Variants in SLC25A33 observed in about 807,000 individuals in gnomAD.
SLC25A33 encodes the protein solute carrier family 25 member 33.
A neutral mutation model predicts 35.5 loss-of-function variants in SLC25A33; 15 were observed. The ratio of observed to expected loss-of-function variants is 0.42; its 90% CI spans 0.28 to 0.65. SLC25A33 has a LOEUF of 0.65. SLC25A33 is among the 30% of genes least tolerant of loss of function. SLC25A33 has a pLI of 0.20. For missense variants in SLC25A33, 257 were observed against 398.5 expected (o/e 0.64, Z 3.02); for synonymous variants, 136 against 148.7 (o/e 0.91, Z 0.62).
chr1:9,573,992 G>A (rs1026168508), intron 5 of SLC25A33, among the ~76,000 whole-genome samples: 1 of 151,296 alleles, frequency 6.6e-6, no homozygotes, highest in African/African-American at 2.4e-5. Context: ...TGTTGTTGTT[G>A]TTTTGTTTTT....
intron 2 of SLC25A33, among the ~76,000 whole-genome samples, chr1:9,554,155 A>T (rs1244233792): frequency 1.3e-5 from 2 of 152,170 alleles, no homozygotes; most frequent in East Asian, 3.9e-4. Flanking sequence ...GCACAACAGA[A>T]GAGTTGTGAA....
At chr1:9,575,387 C>G (rs900836945) in intron 5 of SLC25A33, among the ~76,000 whole-genome samples, 1 of 151,706 alleles carries the variant, frequency 6.6e-6, no homozygotes, top group Non-Finnish European at 1.5e-5. Flanking sequence ...GAGGCCGAGG[C>G]GGGTGGGTCA....
rs1445389668 is a variant in SLC25A33 at position 9,582,458 on chromosome 1, C to T, written c.923C>T (p.Thr308Ile). Residue 308 changes from threonine (T) to isoleucine (I), a missense_variant, in exon 7 of 7, where the codon ACT becomes ATT. Physicochemically the swap from Thr to Ile is moderately conservative, Grantham distance 89 (BLOSUM62 -1). Coordinates refer to ENST00000302692, the MANE Select transcript of SLC25A33 (RefSeq NM_032315.3). The surrounding 1 kb of genome is among the most constrained non-coding windows in gnomAD (Gnocchi z 4.0). ...CCAAATACTGCCATTGTGTTGTCTA[C>T]TTATGAGTTAATTGTGTACCTGTTA... Reference protein sequence around the residue: ...QIPNTAIVLSTYELIVYLLED... With the variant: ...QIPNTAIVLSIYELIVYLLED... The T allele has an allele frequency of 1.2e-6, 2 of 1,613,866 alleles. No homozygotes were observed. Among genetic ancestry groups the T allele is most frequent in the South Asian group, 2.2e-5 (2 of 91,048 alleles).
chr1:9,550,665 T>G (rs1478433034), intron 1 of SLC25A33, among the ~76,000 whole-genome samples: 4 of 150,588 alleles, frequency 2.7e-5, no homozygotes, highest in Non-Finnish European at 5.9e-5. Flanking sequence ...TTTATTTTTA[T>G]TAATTAATTA....
chr1:9,546,159 A>C (rs1643164785), intron 1 of SLC25A33, among the ~76,000 whole-genome samples: 1 of 150,576 alleles, frequency 6.6e-6, no homozygotes, highest in African/African-American at 2.4e-5. Flanking sequence ...TGTGAAGGGA[A>C]TATCACACAG....
At position 9,545,831 on chromosome 1, in the gene SLC25A33, C is replaced by T. The variant is rs528032794; in HGVS notation, c.56+6084C>T. Among the ~76,000 whole-genome samples, 254 of 151,734 alleles carry T rather than the reference C, an allele frequency of 1.7e-3. 2 individuals carry two copies. The highest frequency in any genetic ancestry group is 5.9e-3 in the African/African-American group (243 of 41,468). On this transcript the variant is annotated intron_variant, in intron 1 of 6. Transcript: ENST00000302692. ...AAAAAAATTTAGCTGGGCATGGTGG[C>T]GCAGGCCTGTAATTTCAGCTACTTG...
chr1:9,547,862 G>GT (rs200182620), intron 1 of SLC25A33, among the ~76,000 whole-genome samples: 1,734 of 149,560 alleles, frequency 0.012, 31 homozygotes, highest in African/African-American at 0.04. Flanking sequence ...TTTTGTTTTT[G>GT]TTTTTGTTTT....
In SLC25A33 at chr1:9,566,951, C is replaced by A. The variant is rs566826315; in HGVS notation, c.237-333C>A. ...GCTGAGGCAGGAGAATTGCTAGAAC[C>A]CAGGAGGCAGAGGTTCCAGTGAGCC... On this transcript the variant is annotated intron_variant, in intron 2 of 6. Coordinates refer to ENST00000302692, the MANE Select transcript of SLC25A33 (RefSeq NM_032315.3). 5.9e-5 allele frequency among the ~76,000 whole-genome samples: 9 copies of A among 151,926 alleles called. No individual in the cohort carries two copies. The East Asian group carries it at 1.7e-3, about 29-fold the overall frequency.
At chr1:9,562,801 C>T (rs892654270) in intron 2 of SLC25A33, among the ~76,000 whole-genome samples, 12 of 145,260 alleles carry the variant, frequency 8.3e-5, no homozygotes, top group African/African-American at 2.8e-4. Flanking sequence ...TGTGGTGAGC[C>T]AAGATCGCGC....
At chr1:9,540,986 C>T (rs1468563844) in intron 1 of SLC25A33, among the ~76,000 whole-genome samples, 1 of 146,100 alleles carries the variant, frequency 6.8e-6, no homozygotes, top group African/African-American at 2.5e-5. Flanking sequence ...TTGAGACTTC[C>T]TTTTTTTTTT....
At chr1:9,549,996 C>CATACATATATAT (rs1643240674) in intron 1 of SLC25A33, among the ~76,000 whole-genome samples, 1 of 72,064 alleles carries the variant, frequency 1.4e-5, no homozygotes, top group African/African-American at 6.8e-5. Context: ...TTTTTCTATA[C>CATACATATATAT]ATATATATAT....
rs1183670252 is a variant in SLC25A33 at position 9,583,526 on chromosome 1, A to T, written c.*1025A>T. ...CAGTTGCCTTGTTAAGTGTGTTGAC[A>T]GCACAGCTACCCTGTTTGGCTGTGA... On this transcript the variant is annotated 3_prime_UTR_variant, in exon 7 of 7. Transcript: ENST00000302692. 1 of 152,206 alleles carries T rather than the reference A, an allele frequency of 6.6e-6. No individual in the cohort carries two copies. Among genetic ancestry groups the T allele is most frequent in the Non-Finnish European group, 1.5e-5 (1 of 68,044 alleles). The allele number at this position is 152,206 out of a possible 1,614,324, so 9.4% of individuals were successfully genotyped here.
chr1:9,559,476 T>C (rs1194444215), intron 2 of SLC25A33, among the ~76,000 whole-genome samples: 1 of 151,998 alleles, frequency 6.6e-6, no homozygotes, highest in African/African-American at 2.4e-5. Flanking sequence ...AGCTACTCTC[T>C]GCTTTTAAAC....
intron 4 of SLC25A33, among the ~76,000 whole-genome samples, chr1:9,571,990 A>G (rs1643596996): frequency 6.6e-6 from 1 of 152,168 alleles, no homozygotes. Flanking sequence ...AAAAATTTGC[A>G]TCTCCTACCA....
In SLC25A33 at chr1:9,582,853, A is replaced by G. The variant is rs1272251250; in HGVS notation, c.*352A>G. The G allele has an allele frequency of 4.9e-6, 1 of 206,100 alleles. No individual in the cohort carries two copies. Among genetic ancestry groups the G allele is most frequent in the Non-Finnish European group, 9.7e-6 (1 of 102,620 alleles). 12.8% of individuals were successfully genotyped at this position (206,100 alleles called of 1,614,324 possible). A position where few individuals can be genotyped will look rare whatever the true frequency, so the allele number is the denominator to read the frequency against. ...TCAGATAAACCTGCCCTAGAACTGC[A>G]GAGAAAAATGATAAAGTGAGAATAC... is the stretch of plus-strand genomic sequence containing the variant. On this transcript the variant is annotated 3_prime_UTR_variant, in exon 7 of 7. Coordinates refer to ENST00000302692, the MANE Select transcript of SLC25A33 (RefSeq NM_032315.3). This position sits in a 1 kb window ranked among gnomAD's most constrained non-coding sequence, Gnocchi z 4.0.
chr1:9,557,993 A>G (rs1000636974), intron 2 of SLC25A33, among the ~76,000 whole-genome samples: 1 of 152,222 alleles, frequency 6.6e-6, no homozygotes, highest in East Asian at 1.9e-4. Flanking sequence ...GTAGGTGTAT[A>G]CACTTACGAA....
intron 2 of SLC25A33, among the ~76,000 whole-genome samples, chr1:9,555,255 C>T (rs1643324071): frequency 6.6e-6 from 1 of 151,508 alleles, no homozygotes; most frequent in East Asian, 1.9e-4. Context: ...GTAGCTGGGA[C>T]TGCAGGTGCC....
At chr1:9,550,012 T>TATATATATATATATATATATACACATA (rs55887722) in intron 1 of SLC25A33, among the ~76,000 whole-genome samples, 1 of 33,844 alleles carries the variant, frequency 3.0e-5, no homozygotes, top group African/African-American at 8.7e-5. Context: ...TATATATATA[T>TATATATATATATATATATATACACATA]TTTTTTTTTT....
intron 4 of SLC25A33, 44 bp downstream of exon 4, chr1:9,570,402 T>C (rs764658159): frequency 6.7e-7 from 1 of 1,496,950 alleles, no homozygotes; most frequent in Non-Finnish European, 9.3e-7. Context: ...TCTCTCACTT[T>C]TCTAAAGCAT....
Sources: gnomAD v4.1 joint callset for allele counts (sites outside exome capture counted in the v4.1 genomes callset) on GRCh38, gnomAD v4.1.1 for gene constraint, Gnocchi (gnomAD v3.1) non-coding constraint, MANE v1.5 for transcripts, NCBI Gene and HGNC (gene_info 2026-07-23, HGNC 2026-07-21) for gene names.